Variants in ARHGEF7 observed in about 807,000 individuals in gnomAD.
The protein encoded by ARHGEF7 is PAK-interacting exchange factor beta.
A neutral mutation model predicts 109.8 loss-of-function variants in ARHGEF7; 33 were observed. The observed-to-expected ratio is 0.30, with a 90% CI of 0.23 to 0.40. ARHGEF7 has a LOEUF of 0.40. Among genes scored for constraint, ARHGEF7 ranks in the 10% least tolerant of loss-of-function variants. ARHGEF7 has a pLI of 1.00. For missense variants in ARHGEF7, 938 were observed against 1,098.5 expected, an observed-to-expected ratio of 0.85 and a Z score of 2.07; for synonymous variants, 458 against 424.6, an observed-to-expected ratio of 1.08 and a Z score of -0.97.
At chr13:111,159,635 G>A (rs1393775364) in intron 2 of ARHGEF7, among the ~76,000 whole-genome samples, 1 of 152,186 alleles carries the variant, frequency 6.6e-6, no homozygotes, top group African/African-American at 2.4e-5. Flanking sequence ...CATTAGTGAT[G>A]TTGAACATTT....
Position 111,205,332 on chromosome 13 carries a change from A to G in ARHGEF7, c.296A>G (p.Lys99Arg), listed in dbSNP as rs762749163. 6.2e-7 allele frequency: 1 copy of G among 1,601,996 alleles called. No individual in the cohort carries two copies. The highest frequency in any genetic ancestry group is 2.2e-5 in the East Asian group (1 of 44,450). Residue 99 changes from lysine to arginine, a missense_variant, in exon 3 of 22, where the codon AAG becomes AGG. Lys to Arg is a conservative substitution (Grantham distance 26). This residue lies in a region of ARHGEF7 where 585 missense variants were observed against 723.6 expected (regional missense o/e 0.81). Transcript: ENST00000646102. ...TTGTATCAGGGGCAGAATTTTAACAAGGTCCTCAGTTCCTTAGTGACTCTA... is the reference window on the plus strand; with the variant it reads ...TTGTATCAGGGGCAGAATTTTAACAGGGTCCTCAGTTCCTTAGTGACTCTA... ...NDLYQGQNFN[K>R]VLSSLVTLNK... is the part of the protein sequence containing the mutation.
intron 2 of ARHGEF7, among the ~76,000 whole-genome samples, chr13:111,190,881 A>C (rs1025884906): frequency 6.6e-6 from 1 of 152,126 alleles, no homozygotes; most frequent in Non-Finnish European, 1.5e-5. Context: ...TCATTTTCCC[A>C]TACTCCTAGA....
intron 2 of ARHGEF7, among the ~76,000 whole-genome samples, chr13:111,192,341 C>T (rs1054857374): frequency 6.6e-6 from 1 of 152,158 alleles, no homozygotes; most frequent in Non-Finnish European, 1.5e-5. Flanking sequence ...GAGATTTGAC[C>T]AACACTAGAT....
At chr13:111,195,106 A>C (rs1161819516) in intron 2 of ARHGEF7, among the ~76,000 whole-genome samples, 2 of 152,164 alleles carry the variant, frequency 1.3e-5, no homozygotes, top group African/African-American at 4.8e-5. Flanking sequence ...AATATCCTGT[A>C]ATACTTTATG....
At chr13:111,283,416 C>T in intron 16 of ARHGEF7, 53 bp downstream of exon 16, 1 of 1,523,276 alleles carries the variant, frequency 6.6e-7, no homozygotes, top group Non-Finnish European at 8.8e-7. Flanking sequence ...ATGCCTCGGG[C>T]CCTGGGTGTG....
At chr13:111,157,010 C>T (rs1034668662) in intron 2 of ARHGEF7, among the ~76,000 whole-genome samples, 1 of 152,162 alleles carries the variant, frequency 6.6e-6, no homozygotes, top group Non-Finnish European at 1.5e-5. Context: ...AGGAAGTAAA[C>T]TTGGTTAATA....
intron 1 of ARHGEF7, among the ~76,000 whole-genome samples, chr13:111,148,629 C>G (rs575024130): frequency 2.8e-4 from 42 of 152,312 alleles, no homozygotes; most frequent in African/African-American, 9.1e-4. Context: ...GGCCATTCTC[C>G]CAATTCATAC....
intron 6 of ARHGEF7, among the ~76,000 whole-genome samples, chr13:111,243,373 C>T (rs910522873): frequency 5.3e-5 from 8 of 152,208 alleles, no homozygotes; most frequent in Non-Finnish European, 8.8e-5. Context: ...TAGACATTTA[C>T]GTCATTCTCC....
chr13:111,130,530 A>T (rs831159), intron 1 of ARHGEF7, among the ~76,000 whole-genome samples: 31,481 of 152,220 alleles, frequency 0.21, 3,796 homozygotes, highest in Non-Finnish European at 0.29. Context: ...TATTAGGGGA[A>T]GTGATTTATT....
At chr13:111,202,924 T>G (rs2081362804) in intron 2 of ARHGEF7, 5 of 301,414 alleles carry the variant, frequency 1.7e-5, no homozygotes, top group Non-Finnish European at 2.9e-5. Context: ...AGCTTCCTGT[T>G]GAGAAGTGTG....
chr13:111,158,971 C>T (rs1035860104), intron 2 of ARHGEF7: 4 of 716,816 alleles, frequency 5.6e-6, no homozygotes, highest in Admixed American at 2.0e-5. Context: ...ATTTATTCCT[C>T]CCGTCCGACT....
rs756980537 is a variant in ARHGEF7, at chr13:111,280,341, G to C, written c.1576G>C (p.Glu526Gln). 3 of 1,612,676 alleles carry C rather than the reference G, an allele frequency of 1.9e-6. No homozygotes were observed. The highest frequency in any genetic ancestry group is 2.5e-6 in the Non-Finnish European group (3 of 1,179,492). ...EDSENHRNAF[E>Q]ISGSMIERIL... ...CAGTGAAAATCATAGAAATGCATTT[G>C]AAATATCAGGTGATAGGCACAAGCT... The change falls in exon 14 of 22, where the codon GAA becomes CAA. Residue 526 changes from glutamate to glutamine, a missense_variant. Glu to Gln is a conservative substitution (Grantham distance 29). This residue lies in a region of ARHGEF7 where 585 missense variants were observed against 723.6 expected (regional missense o/e 0.81). Transcript: ENST00000646102.
At position 111,131,762 on chromosome 13, in the gene ARHGEF7, C is replaced by T. The variant is rs1029956953; in HGVS notation, c.165+16071C>T. On this transcript the variant is annotated intron_variant, in intron 1 of 21. Transcript: ENST00000646102. This position sits in a 1 kb window ranked among gnomAD's most constrained non-coding sequence, Gnocchi z 4.4. Reference sequence around the variant, plus strand: ...TCAGAAGATTGTCTGCTGGCTTGGGCCTGTGCTGGGTGGGAAGGAGGGTGC... The same window carrying T: ...TCAGAAGATTGTCTGCTGGCTTGGGTCTGTGCTGGGTGGGAAGGAGGGTGC... Among the ~76,000 whole-genome samples, 5 of 152,072 alleles carry T rather than the reference C, an allele frequency of 3.3e-5. No individual in the cohort carries two copies. Among genetic ancestry groups the T allele is most frequent in the African/African-American group, 1.2e-4 (5 of 41,398 alleles).
intron 2 of ARHGEF7, among the ~76,000 whole-genome samples, chr13:111,170,625 G>C (rs1318724467): frequency 1.3e-5 from 2 of 152,214 alleles, no homozygotes; most frequent in Non-Finnish European, 2.9e-5. Context: ...GGAAAGTGCT[G>C]TGTGTTACCC....
intron 8 of ARHGEF7, among the ~76,000 whole-genome samples, chr13:111,256,135 A>G (rs1039486172): frequency 1.3e-4 from 20 of 152,126 alleles, no homozygotes; most frequent in African/African-American, 4.6e-4. Context: ...CTTATCCTAC[A>G]CTAATCAGTT....
chr13:111,289,726 A>G (rs759533018), intron 18 of ARHGEF7, among the ~76,000 whole-genome samples: 1 of 150,862 alleles, frequency 6.6e-6, no homozygotes, highest in Non-Finnish European at 1.5e-5. Flanking sequence ...TTTATCAAAG[A>G]CGGCTGCAGC....
In ARHGEF7 at chr13:111,217,674, T is replaced by A. The variant is rs2083302725; in HGVS notation, c.469-5T>A. ...ATTTTTCTCCCACTCTTCTTCCCCT[T>A]TTAGGACATGACCGATAATAGCAAC... On this transcript the variant is annotated splice_region_variant and splice_polypyrimidine_tract_variant and intron_variant, in intron 4 of 21. Transcript: ENST00000646102. 6.2e-7 allele frequency: 1 copy of A among 1,613,022 alleles called. No homozygotes were observed. Among genetic ancestry groups the A allele is most frequent in the African/African-American group, 1.3e-5 (1 of 74,942 alleles).
chr13:111,144,327 C>T (rs951169099), intron 1 of ARHGEF7: 1 of 152,238 alleles, frequency 6.6e-6, no homozygotes. Context: ...GTTTAAATTT[C>T]TTCCAGTAAA....
rs41275846 is a variant in ARHGEF7 at position 111,280,566 on chromosome 13, G to A, written c.1614G>A (p.Ser538=). 34,550 of 1,610,504 alleles carry A rather than the reference G, an allele frequency of 0.021. 482 individuals are homozygous for A. The highest frequency in any genetic ancestry group is 0.051 in the Middle Eastern group (309 of 6,038). Residue 538 remains serine, a synonymous_variant, in exon 15 of 22, where the codon TCG becomes TCA. Coordinates refer to ENST00000646102, the MANE Select transcript of ARHGEF7 (RefSeq NM_001354046.2). ...GCATGATTGAGCGGATATTAGTGTC[G>A]TGCAACAACCAGCAGGATCTGCAGG... ...SGSMIERILV[S]CNNQQDLQEW...
Sources: gnomAD v4.1 joint callset for allele counts (sites outside exome capture counted in the v4.1 genomes callset) on GRCh38, gnomAD v4.1.1 for gene constraint, gnomAD v4.1.1 regional missense constraint, Gnocchi (gnomAD v3.1) non-coding constraint, MANE v1.5 for transcripts, NCBI Gene and HGNC (gene_info 2026-07-23, HGNC 2026-07-21) for gene names.